OSBPL6: variants seen among roughly 807,000 people sequenced by gnomAD.
OSBPL6 encodes the protein oxysterol-binding protein-related protein 6.
In OSBPL6, 49 loss-of-function variants were observed where a neutral mutation model predicts 125.8. The observed-to-expected ratio is 0.39, with a 90% confidence interval of 0.31 to 0.49. OSBPL6 has a LOEUF of 0.49. Among genes scored for constraint, OSBPL6 ranks in the 20% least tolerant of loss-of-function variants. The probability of loss-of-function intolerance (pLI) is 0.88; values close to 1 mark genes in which losing one functional copy is unlikely to be tolerated. For missense variants in OSBPL6, 986 were observed against 1,135.4 expected (o/e 0.87, Z 1.89); for synonymous variants, 394 against 391.8 (o/e 1.01, Z -0.07).
At chr2:178,291,655 A>G (rs1298449583) in intron 2 of OSBPL6, among the ~76,000 whole-genome samples, 1 of 139,002 alleles carries the variant, frequency 7.2e-6, no homozygotes, top group Non-Finnish European at 1.6e-5. Context: ...AAATATAGGA[A>G]CAGGTAGTCT....
At chr2:178,353,409 G>A (rs1691473280) in intron 12 of OSBPL6, among the ~76,000 whole-genome samples, 1 of 152,196 alleles carries the variant, frequency 6.6e-6, no homozygotes, top group South Asian at 2.1e-4. Context: ...TAAATGACCT[G>A]ATGGAGCTGA....
At chr2:178,274,972 A>C (rs533304165) in intron 1 of OSBPL6, among the ~76,000 whole-genome samples, 2 of 151,846 alleles carry the variant, frequency 1.3e-5, no homozygotes, top group Non-Finnish European at 2.9e-5. Flanking sequence ...TCTGAAGCGC[A>C]CTCCTAGGTC....
intron 5 of OSBPL6, 117 bp downstream of exon 5, chr2:178,328,495 A>G (rs1688897675): frequency 1.5e-6 from 2 of 1,323,716 alleles, no homozygotes; most frequent in Non-Finnish European, 2.0e-6. Flanking sequence ...AGCTTTTTAA[A>G]ACTTTTTTTT....
At chr2:178,375,594 G>GT (rs975053035) in intron 15 of OSBPL6, among the ~76,000 whole-genome samples, 29 of 151,648 alleles carry the variant, frequency 1.9e-4, no homozygotes, top group African/African-American at 5.8e-4. Flanking sequence ...TGCTAATTTT[G>GT]TTTTTTTTAG....
At chr2:178,215,079 T>G (rs977055974) in intron 1 of OSBPL6, among the ~76,000 whole-genome samples, 1 of 150,300 alleles carries the variant, frequency 6.7e-6, no homozygotes, top group East Asian at 1.9e-4. Context: ...AGTACTGGTT[T>G]AAAAGCAAAA....
intron 3 of OSBPL6, among the ~76,000 whole-genome samples, chr2:178,309,686 GCATTT>G (rs1687092560): frequency 6.6e-6 from 1 of 152,182 alleles, no homozygotes; most frequent in Non-Finnish European, 1.5e-5. Flanking sequence ...TGTTCCATTT[GCATTT>G]CACTAAATCT....
At chr2:178,356,865 A>G (rs974411792) in intron 12 of OSBPL6, among the ~76,000 whole-genome samples, 9 of 152,252 alleles carry the variant, frequency 5.9e-5, no homozygotes, top group Admixed American at 4.6e-4. Context: ...TAACCAAAAC[A>G]GCATGGTACT....
chr2:178,315,696 C>G (rs184423392), intron 3 of OSBPL6, among the ~76,000 whole-genome samples: 1 of 152,216 alleles, frequency 6.6e-6, no homozygotes, highest in Non-Finnish European at 1.5e-5. Context: ...CTGTCAGATC[C>G]AAGATTAGCA....
In OSBPL6 at chr2:178,375,062, G is replaced by A. The variant is rs561291863; in HGVS notation, c.1533+1035G>A. ...GGCTGGAATGCTAATTTAATGATCT[G>A]TGATGGTAACTGATACATACTCTCA... On this transcript the variant is annotated intron_variant, in intron 15 of 24. Coordinates refer to ENST00000190611, the MANE Select transcript of OSBPL6 (RefSeq NM_032523.4). Among the ~76,000 whole-genome samples the A allele has an allele frequency of 2.6e-5, 4 of 152,318 alleles. No individual in the cohort carries two copies. The South Asian group carries it at 8.3e-4, about 32-fold the overall frequency.
chr2:178,374,909 T>C (rs993158162), intron 15 of OSBPL6, among the ~76,000 whole-genome samples: 2 of 152,194 alleles, frequency 1.3e-5, no homozygotes, highest in African/African-American at 4.8e-5. Flanking sequence ...CATATCATTT[T>C]TATAATGGGA....
chr2:178,374,317 A>G (rs1693670959), intron 15 of OSBPL6, among the ~76,000 whole-genome samples: 1 of 152,214 alleles, frequency 6.6e-6, no homozygotes, highest in African/African-American at 2.4e-5. Context: ...GTAACAAAAG[A>G]GTTTATGACA....
At chr2:178,247,405 C>A (rs1441681792) in intron 1 of OSBPL6, among the ~76,000 whole-genome samples, 1 of 151,996 alleles carries the variant, frequency 6.6e-6, no homozygotes, top group Non-Finnish European at 1.5e-5. Flanking sequence ...GGTTTCTTGG[C>A]AGGGAGAGTT....
chr2:178,320,518 T>C, intron 3 of OSBPL6: 2 of 1,063,890 alleles, frequency 1.9e-6, no homozygotes, highest in Non-Finnish European at 2.8e-6. Context: ...AATTAACTGG[T>C]TTACATAACC....
intron 13 of OSBPL6, among the ~76,000 whole-genome samples, chr2:178,369,833 C>T (rs1263700654): frequency 6.6e-6 from 1 of 152,126 alleles, no homozygotes; most frequent in Non-Finnish European, 1.5e-5. Context: ...CATTCCCACC[C>T]CTGAAGAAAA....
At chr2:178,389,186 G>A in intron 21 of OSBPL6, 33 bp downstream of exon 21, 1 of 1,601,732 alleles carries the variant, frequency 6.2e-7, no homozygotes, top group Non-Finnish European at 8.5e-7. Flanking sequence ...AAAGGAAAAT[G>A]AGTATAAAAT....
At chr2:178,329,307 A>AT (rs1688979020) in intron 5 of OSBPL6, among the ~76,000 whole-genome samples, 1 of 152,046 alleles carries the variant, frequency 6.6e-6, no homozygotes, top group African/African-American at 2.4e-5. Flanking sequence ...TAGAGAAAAT[A>AT]TTTTTTACTG....
intron 1 of OSBPL6, among the ~76,000 whole-genome samples, chr2:178,200,534 G>T (rs2089192265): frequency 1.3e-5 from 2 of 152,072 alleles, no homozygotes; most frequent in South Asian, 4.1e-4. Context: ...TTACAGGTGT[G>T]AGCCTCTGTG....
chr2:178,219,701 C>T (rs565904646), intron 1 of OSBPL6, among the ~76,000 whole-genome samples: 42 of 152,318 alleles, frequency 2.8e-4, no homozygotes, highest in African/African-American at 8.7e-4. Flanking sequence ...TGGAGTGTAA[C>T]AGCAACTAAT....
chr2:178,259,648 C>T (rs1559172318), intron 1 of OSBPL6, among the ~76,000 whole-genome samples: 1 of 152,140 alleles, frequency 6.6e-6, no homozygotes, highest in Non-Finnish European at 1.5e-5. Flanking sequence ...ATTACCCTTA[C>T]TTTTAGCTTT....
Sources: allele counts gnomAD v4.1 joint callset (sites outside exome capture counted in the v4.1 genomes callset), GRCh38; gene constraint gnomAD v4.1.1; transcripts MANE v1.5; gene names NCBI Gene and HGNC (gene_info 2026-07-23, HGNC 2026-07-21).